The following SNX29 variants were observed in gnomAD, a reference collection of about 807,000 sequenced individuals.
SNX29 encodes sorting nexin 29, also known as sorting nexin-29.
Under a neutral mutation model 102.1 loss-of-function variants are expected in SNX29, and 78 were observed. The observed-to-expected ratio is 0.76, with a 90% CI of 0.64 to 0.92. The LOEUF is 0.92. Among genes scored for constraint, SNX29 ranks in the 40% least tolerant of loss-of-function variants. The probability of loss-of-function intolerance (pLI) is 0.00; values close to 1 mark genes in which losing one functional copy is unlikely to be tolerated. For synonymous variants in SNX29, 580 were observed against 414.5 expected (o/e 1.40, Z -4.85); for missense variants, 1,280 against 1,061.7 (o/e 1.21, Z -2.86).
At chr16:12,013,435 C>A (rs1383134325) in intron 3 of SNX29, among the ~76,000 whole-genome samples, 1 of 133,022 alleles carries the variant, frequency 7.5e-6, no homozygotes, top group Non-Finnish European at 1.6e-5. Flanking sequence ...TGCTTGAGGC[C>A]AGGAGTTCGA....
chr16:12,332,303 G>A (rs2081313561), intron 15 of SNX29, among the ~76,000 whole-genome samples: 1 of 152,110 alleles, frequency 6.6e-6, no homozygotes, highest in Admixed American at 6.5e-5. Context: ...TCTTCAGCTC[G>A]TTGCCAAATG....
chr16:12,124,918 A>C (rs1004833703), intron 11 of SNX29, among the ~76,000 whole-genome samples: 1 of 152,204 alleles, frequency 6.6e-6, no homozygotes, highest in Admixed American at 6.5e-5. Context: ...TGCAGAGGCC[A>C]CAGTGCAGGA....
At chr16:12,164,514 A>G (rs1291911960) in intron 13 of SNX29, among the ~76,000 whole-genome samples, 1 of 152,110 alleles carries the variant, frequency 6.6e-6, no homozygotes, top group African/African-American at 2.4e-5. Flanking sequence ...TACTGTTTAC[A>G]AGTATGTACT....
chr16:12,238,036 G>T (rs2077989242), intron 14 of SNX29, among the ~76,000 whole-genome samples: 1 of 152,222 alleles, frequency 6.6e-6, no homozygotes, highest in African/African-American at 2.4e-5. Flanking sequence ...AAGTAACTGG[G>T]TGTGGGGGTT....
At chr16:12,152,443 T>C (rs562143589) in intron 13 of SNX29, among the ~76,000 whole-genome samples, 1 of 152,246 alleles carries the variant, frequency 6.6e-6, no homozygotes, top group East Asian at 1.9e-4. Context: ...CAGGAGACAG[T>C]GTGGCTTCAT....
At chr16:12,109,793 C>T in intron 11 of SNX29, among the ~76,000 whole-genome samples, 1 of 151,956 alleles carries the variant, frequency 6.6e-6, no homozygotes, top group East Asian at 1.9e-4. Context: ...TGCAGTGGCG[C>T]AATCTTGGCT....
intron 11 of SNX29, among the ~76,000 whole-genome samples, chr16:12,112,665 G>C (rs757880648): frequency 1.3e-5 from 2 of 152,224 alleles, no homozygotes; most frequent in Admixed American, 6.5e-5. Context: ...CAGCTTGTCT[G>C]AGCTGGGTTT....
chr16:12,548,244 C>T (rs1180302931), intron 20 of SNX29, among the ~76,000 whole-genome samples: 2 of 152,212 alleles, frequency 1.3e-5, no homozygotes, highest in African/African-American at 4.8e-5. Context: ...GGTTACATTT[C>T]CTTCCTTCTG....
intron 11 of SNX29, among the ~76,000 whole-genome samples, chr16:12,083,007 A>G (rs2869808): frequency 1.3e-5 from 2 of 151,918 alleles, no homozygotes; most frequent in Admixed American, 1.3e-4. Context: ...TTCAACAACA[A>G]AAACTTATTT....
chr16:12,569,794 G>A lies in SNX29; in HGVS notation c.*1165G>A, dbSNP rs1054387786. On this transcript the variant is annotated 3_prime_UTR_variant, in exon 21 of 21. Coordinates refer to ENST00000566228, the MANE Select transcript of SNX29 (RefSeq NM_032167.5). Reference sequence around the variant, plus strand: ...CCTCACAGAGCAATAGCCGTCCTCAGATGCTCAGCAAAGTTGTGGCAGTTT... The same window carrying A: ...CCTCACAGAGCAATAGCCGTCCTCAAATGCTCAGCAAAGTTGTGGCAGTTT... 4.3e-5 allele frequency: 10 copies of A among 230,340 alleles called. No individual in the cohort carries two copies. Among genetic ancestry groups the A allele is most frequent in the African/African-American group, 2.2e-4 (10 of 45,184 alleles). 14.3% of individuals were successfully genotyped at this position (230,340 alleles called of 1,614,324 possible). A position where few individuals can be genotyped will look rare whatever the true frequency, so the allele number is the denominator to read the frequency against.
chr16:12,372,080 G>A (rs77593690), intron 16 of SNX29, among the ~76,000 whole-genome samples: 2,908 of 152,336 alleles, frequency 0.019, 30 homozygotes, highest in Non-Finnish European at 0.031. Context: ...CTGCTGTGAA[G>A]CGTTTGGTAT....
intron 18 of SNX29, among the ~76,000 whole-genome samples, chr16:12,414,817 G>A (rs1166612343): frequency 1.3e-5 from 2 of 152,196 alleles, no homozygotes; most frequent in Non-Finnish European, 2.9e-5. Context: ...CGCCTCCGGG[G>A]TTCAAGCAAT....
At chr16:12,123,361 G>A (rs144589949) in intron 11 of SNX29, among the ~76,000 whole-genome samples, 3 of 152,144 alleles carry the variant, frequency 2.0e-5, no homozygotes, top group African/African-American at 4.8e-5. Flanking sequence ...CAGAGTCCCC[G>A]TTGCTGTCAT....
intron 18 of SNX29, among the ~76,000 whole-genome samples, chr16:12,453,147 A>G (rs990587460): frequency 6.6e-6 from 1 of 152,200 alleles, no homozygotes; most frequent in African/African-American, 2.4e-5. Context: ...AGACGAACCA[A>G]CTGCTGTAAG....
In SNX29 at chr16:12,001,986, C is replaced by T. The variant is rs115382440; in HGVS notation, c.70-1005C>T. ...CATGAGCTATGATGGCATCACTCCC[C>T]TTCAGCCTCGGTGACAGAGAGAGAC... On this transcript the variant is annotated intron_variant, in intron 2 of 20. Transcript: ENST00000566228. 6.1e-3 allele frequency among the ~76,000 whole-genome samples: 915 copies of T among 150,436 alleles called. 6 individuals carry two copies. Among genetic ancestry groups the T allele is most frequent in the African/African-American group, 0.021 (847 of 40,910 alleles).
At chr16:12,462,899 A>G (rs1318358653) in intron 18 of SNX29, among the ~76,000 whole-genome samples, 1 of 152,206 alleles carries the variant, frequency 6.6e-6, no homozygotes, top group Non-Finnish European at 1.5e-5. Flanking sequence ...GCAACATGTG[A>G]CTGCAGGATG....
chr16:12,350,932 C>T (rs2081975666), intron 15 of SNX29, among the ~76,000 whole-genome samples: 1 of 152,188 alleles, frequency 6.6e-6, no homozygotes, highest in Admixed American at 6.5e-5. Context: ...AACTATGTCA[C>T]TTCCCTCTAC....
intron 20 of SNX29, chr16:12,561,180 A>T (rs1038554844): frequency 2.2e-5 from 5 of 230,368 alleles, no homozygotes; most frequent in Non-Finnish European, 3.4e-5. Flanking sequence ...TCAGCCTGGC[A>T]TGCTCTGATA....
chr16:12,168,681 G>A (rs970484826), intron 13 of SNX29, among the ~76,000 whole-genome samples: 1 of 152,196 alleles, frequency 6.6e-6, no homozygotes, highest in African/African-American at 2.4e-5. Flanking sequence ...TCATCACACA[G>A]AGGCGCTTCA....
Sources: allele counts gnomAD v4.1 joint callset (sites outside exome capture counted in the v4.1 genomes callset), GRCh38; gene constraint gnomAD v4.1.1; transcripts MANE v1.5; gene names NCBI Gene and HGNC (gene_info 2026-07-23, HGNC 2026-07-21).